The following OR5K2 variants were observed in gnomAD, a reference collection of about 807,000 sequenced individuals.
OR5K2 encodes the protein olfactory receptor family 5 subfamily K member 2.
For missense variants in OR5K2, 402 were observed against 369.8 expected (o/e 1.09, Z -0.71); for synonymous variants, 124 against 133.2 (o/e 0.93, Z 0.48).
At position 98,497,816 on chromosome 3, in the gene OR5K2, G is replaced by A. The variant is rs964015733; in HGVS notation, c.136G>A (p.Val46Met). The change falls in exon 1 of 1, where the codon GTG becomes ATG. Residue 46 changes from valine (V) to methionine (M), a missense_variant. Physicochemically the swap from Val to Met is conservative, Grantham distance 21 (BLOSUM62 1). Transcript: ENST00000427338. ...LITVVGNISL[V>M]ALIFTHCRLH... ...CACCGTGGTGGGGAATATTAGTTTGGTGGCACTGATATTTACACACTGTCG... is the reference window on the plus strand; with the variant it reads ...CACCGTGGTGGGGAATATTAGTTTGATGGCACTGATATTTACACACTGTCG... 1 of 1,614,068 alleles carries A rather than the reference G, an allele frequency of 6.2e-7. No homozygotes were observed.
chr3:98,498,206 C>A lies in OR5K2; in HGVS notation c.526C>A (p.His176Asn), dbSNP rs59427166. ...LVFCGLNHINHFYCDTLPLYR... is the reference protein window; with the variant it reads ...LVFCGLNHINNFYCDTLPLYR... Reference sequence around the variant, plus strand: ...TTTCTGTGGATTGAATCACATCAACCACTTTTACTGTGATACTCTTCCCTT... The same window carrying A: ...TTTCTGTGGATTGAATCACATCAACAACTTTTACTGTGATACTCTTCCCTT... The change falls in exon 1 of 1, where the codon CAC (histidine) becomes AAC (asparagine). Residue 176 changes from histidine (H) to asparagine (N), a missense_variant. Transcript: ENST00000427338. The A allele has an allele frequency of 3.2e-3, 5,149 of 1,614,060 alleles. 144 individuals are homozygous for A. The African/African-American group carries it at 0.06, about 19-fold the overall frequency.
chr3:98,498,543 T>C lies in OR5K2; in HGVS notation c.863T>C (p.Phe288Ser). The C allele has an allele frequency of 6.2e-7, 1 of 1,606,332 alleles. No homozygotes were observed. The highest frequency in any genetic ancestry group is 8.5e-7 in the Non-Finnish European group (1 of 1,174,582). ...FTIVVPLLNP[F>S]IYSLRNKEVI... Reference sequence around the variant, plus strand: ...ATAGTAGTTCCCTTACTAAATCCTTTCATTTATAGTCTGAGAAACAAGGAA... The same window carrying C: ...ATAGTAGTTCCCTTACTAAATCCTTCCATTTATAGTCTGAGAAACAAGGAA... The change falls in exon 1 of 1, where the codon TTC (phenylalanine) becomes TCC (serine). Residue 288 changes from phenylalanine (F) to serine (S), a missense_variant. Transcript: ENST00000427338.
rs1009590715 is a variant in OR5K2, at chr3:98,498,519, T to A, written c.839T>A (p.Ile280Lys). 6.2e-7 allele frequency: 1 copy of A among 1,608,788 alleles called. No homozygotes were observed. The change falls in exon 1 of 1, where the codon ATA becomes AAA. Residue 280 changes from isoleucine to lysine, a missense_variant. Transcript: ENST00000427338. ...ATACCAGCTGCTATTTTATTTACAA[T>A]AGTAGTTCCCTTACTAAATCCTTTC... is the stretch of plus-strand genomic sequence containing the variant. ...NDIPAAILFT[I>K]VVPLLNPFIY...
rs373946421 is a variant in OR5K2, at chr3:98,497,995, C to A, written c.315C>A (p.Cys105Ter). ...YECAVQFYFL[C>*]TVETADCFLL... ...GTGCAGTACAGTTTTATTTTCTTTG[C>A]ACTGTGGAAACTGCAGACTGCTTTC... The change falls in exon 1 of 1, where the codon TGC becomes TGA. Residue 105 changes from cysteine to a stop codon, truncating the protein, a stop_gained. Transcript: ENST00000427338. LOFTEE classifies it low-confidence loss of function (END_TRUNC). The A allele has an allele frequency of 6.2e-7, 1 of 1,613,918 alleles. No individual in the cohort carries two copies. The highest frequency in any genetic ancestry group is 8.5e-7 in the Non-Finnish European group (1 of 1,179,978).
rs749462245 is a variant in OR5K2 at position 98,498,372 on chromosome 3, A to C, written c.692A>C (p.Lys231Thr). 3 of 1,613,766 alleles carry C rather than the reference A, an allele frequency of 1.9e-6. No homozygotes were observed. In the South Asian group the frequency reaches 3.3e-5, roughly 18 times the overall value. ...ILLTIFRMKS[K>T]EGRAKAFSTC... ...CTTACTATTTTCAGAATGAAATCCA[A>C]GGAGGGAAGGGCCAAAGCCTTTTCT... The change falls in exon 1 of 1, where the codon AAG (lysine) becomes ACG (threonine). Residue 231 changes from lysine to threonine, a missense_variant. Physicochemically the swap from Lys to Thr is moderately conservative, Grantham distance 78 (BLOSUM62 -1). Coordinates refer to ENST00000427338, the MANE Select transcript of OR5K2 (RefSeq NM_001004737.1).
At position 98,498,268 on chromosome 3, in the gene OR5K2, A is replaced by C; in HGVS notation, c.588A>C (p.Glu196Asp). The change falls in exon 1 of 1, where the codon GAA becomes GAC. Residue 196 changes from glutamate to aspartate, a missense_variant. By Grantham distance (45) the Glu-to-Asp change is conservative. Coordinates refer to ENST00000427338, the MANE Select transcript of OR5K2 (RefSeq NM_001004737.1). The stretch of plus-strand genomic sequence containing the variant: ...CCTGTGTTGACCCTTTCATCAATGA[A>C]CTGGTTCTATTCATCTTCTCAGGTT... ...RLSCVDPFIN[E>D]LVLFIFSGSV... The C allele has an allele frequency of 6.2e-7, 1 of 1,614,028 alleles. No homozygotes were observed. Among genetic ancestry groups the C allele is most frequent in the Non-Finnish European group, 8.5e-7 (1 of 1,179,938 alleles).
rs1705730509 is a variant in OR5K2 at position 98,498,475 on chromosome 3, TGAA to T, written c.800_802del (p.Glu267del). The stretch of plus-strand genomic sequence containing the variant: ...TCCTATACATTAGACCAAATTTGCT[TGAA>T]GAAGGAGGTAATGATATACCAGCTG... On this transcript the variant is annotated inframe_deletion, in exon 1 of 1. Transcript: ENST00000427338. The T allele has an allele frequency of 3.1e-6, 5 of 1,612,706 alleles. No individual in the cohort carries two copies. The highest frequency in any genetic ancestry group is 2.2e-5 in the East Asian group (1 of 44,830).
Position 98,498,045 on chromosome 3 carries a change from G to T in OR5K2, c.365G>T (p.Arg122Leu), listed in dbSNP as rs116512183. ...CTTCTGGCAGCAGTGGCCTATGACC[G>T]CTATGTGGCCATCTGCAACCCACTG... Reference protein sequence around the residue: ...CFLLAAVAYDRYVAICNPLQY... With the variant: ...CFLLAAVAYDLYVAICNPLQY... Residue 122 changes from arginine to leucine, a missense_variant, in exon 1 of 1, where the codon CGC (arginine) becomes CTC (leucine). Coordinates refer to ENST00000427338, the MANE Select transcript of OR5K2 (RefSeq NM_001004737.1). The T allele has an allele frequency of 6.8e-6, 11 of 1,614,046 alleles. No homozygotes were observed. In the East Asian group the frequency reaches 2.0e-4, roughly 29 times the overall value.
rs1375217096 is a variant in OR5K2, at chr3:98,498,588, A to C, written c.908A>C (p.Lys303Thr). 1 of 1,592,404 alleles carries C rather than the reference A, an allele frequency of 6.3e-7. No individual in the cohort carries two copies. The highest frequency in any genetic ancestry group is 1.1e-5 in the South Asian group (1 of 88,500). The change falls in exon 1 of 1, where the codon AAA becomes ACA. Residue 303 changes from lysine (K) to threonine (T), a missense_variant. Coordinates refer to ENST00000427338, the MANE Select transcript of OR5K2 (RefSeq NM_001004737.1). ...RNKEVISVLR[K>T]ILLKIKSQGS... ...AAGGAAGTAATAAGTGTCTTAAGAA[A>C]AATTCTGCTGAAAATAAAATCTCAA...
Position 98,498,459 on chromosome 3 carries a change from T to A in OR5K2, c.779T>A (p.Ile260Asn). ...LFYGSIFFLY[I>N]RPNLLEEGGN... ...TATGGATCTATTTTTTTCCTATACA[T>A]TAGACCAAATTTGCTTGAAGAAGGA... The change falls in exon 1 of 1, where the codon ATT becomes AAT. Residue 260 changes from isoleucine (I) to asparagine (N), a missense_variant. Physicochemically the swap from Ile to Asn is moderately radical, Grantham distance 149. Transcript: ENST00000427338. 6.2e-7 allele frequency: 1 copy of A among 1,613,366 alleles called. No individual in the cohort carries two copies. Among genetic ancestry groups the A allele is most frequent in the Non-Finnish European group, 8.5e-7 (1 of 1,179,538 alleles).
chr3:98,497,842 G>A lies in OR5K2; in HGVS notation c.162G>A (p.Arg54=). 6.2e-7 allele frequency: 1 copy of A among 1,614,104 alleles called. No individual in the cohort carries two copies. Among genetic ancestry groups the A allele is most frequent in the Admixed American group, 1.7e-5 (1 of 60,012 alleles). ...SLVALIFTHC[R]LHTPMYIFLG... is the part of the protein sequence containing the mutation. ...TGGCACTGATATTTACACACTGTCG[G>A]CTTCACACACCAATGTACATCTTTC... is the stretch of plus-strand genomic sequence containing the variant. The change falls in exon 1 of 1, where the codon CGG becomes CGA. Residue 54 remains arginine, a synonymous_variant. Transcript: ENST00000427338.
rs776570590 is a variant in OR5K2 at position 98,498,480 on chromosome 3, A to G, written c.800A>G (p.Glu267Gly). The G allele has an allele frequency of 1.2e-6, 2 of 1,612,310 alleles. No individual in the cohort carries two copies. Among genetic ancestry groups the G allele is most frequent in the South Asian group, 2.2e-5 (2 of 91,010 alleles). The stretch of plus-strand genomic sequence containing the variant: ...TACATTAGACCAAATTTGCTTGAAG[A>G]AGGAGGTAATGATATACCAGCTGCT... ...FLYIRPNLLE[E>G]GGNDIPAAIL... is the part of the protein sequence containing the mutation. The change falls in exon 1 of 1, where the codon GAA becomes GGA. Residue 267 changes from glutamate (E) to glycine (G), a missense_variant. Physicochemically the swap from Glu to Gly is moderately conservative, Grantham distance 98. Coordinates refer to ENST00000427338, the MANE Select transcript of OR5K2 (RefSeq NM_001004737.1).
chr3:98,498,258 T>C lies in OR5K2; in HGVS notation c.578T>C (p.Phe193Ser). The C allele has an allele frequency of 6.2e-7, 1 of 1,614,098 alleles. No individual in the cohort carries two copies. Among genetic ancestry groups the C allele is most frequent in the Non-Finnish European group, 8.5e-7 (1 of 1,179,964 alleles). Residue 193 changes from phenylalanine (F) to serine (S), a missense_variant, in exon 1 of 1, where the codon TTC becomes TCC. Physicochemically the swap from Phe to Ser is radical, Grantham distance 155. Transcript: ENST00000427338. ...TATAGACTCTCCTGTGTTGACCCTT[T>C]CATCAATGAACTGGTTCTATTCATC... ...PLYRLSCVDPFINELVLFIFS... is the reference protein window; with the variant it reads ...PLYRLSCVDPSINELVLFIFS...
In OR5K2 at chr3:98,497,694, A is replaced by G; in HGVS notation, c.14A>G (p.Asn5Ser). 6.2e-7 allele frequency: 1 copy of G among 1,612,450 alleles called. No individual in the cohort carries two copies. The highest frequency in any genetic ancestry group is 8.5e-7 in the Non-Finnish European group (1 of 1,178,918). Reference sequence around the variant, plus strand: ...GAGAGGTCAGGAATGGTTGAAGAAAATCATACCATGAAAAATGAGTTTATC... The same window carrying G: ...GAGAGGTCAGGAATGGTTGAAGAAAGTCATACCATGAAAAATGAGTTTATC... The part of the protein sequence containing the change: MVEE[N>S]HTMKNEFILT... The change falls in exon 1 of 1, where the codon AAT (asparagine) becomes AGT (serine). Residue 5 changes from asparagine (N) to serine (S), a missense_variant. By Grantham distance (46) the Asn-to-Ser change is conservative (BLOSUM62 1). Transcript: ENST00000427338.
Position 98,498,373 on chromosome 3 carries a change from G to A in OR5K2, c.693G>A (p.Lys231=), listed in dbSNP as rs768783738. The change falls in exon 1 of 1, where the codon AAG becomes AAA. Residue 231 remains lysine (K), a synonymous_variant. Transcript: ENST00000427338. ...ILLTIFRMKS[K]EGRAKAFSTC... is the part of the protein sequence containing the mutation. ...TTACTATTTTCAGAATGAAATCCAAGGAGGGAAGGGCCAAAGCCTTTTCTA... is the reference window on the plus strand; with the variant it reads ...TTACTATTTTCAGAATGAAATCCAAAGAGGGAAGGGCCAAAGCCTTTTCTA... The A allele has an allele frequency of 1.0e-4, 168 of 1,613,570 alleles. No homozygotes were observed. Among genetic ancestry groups the A allele is most frequent in the Non-Finnish European group, 9.0e-5 (106 of 1,179,766 alleles).
At position 98,497,886 on chromosome 3, in the gene OR5K2, T is replaced by C. The variant is rs760342234; in HGVS notation, c.206T>C (p.Val69Ala). Residue 69 changes from valine to alanine, a missense_variant, in exon 1 of 1, where the codon GTG (valine) becomes GCG (alanine). Val to Ala is a moderately conservative substitution (Grantham distance 64). Transcript: ENST00000427338. ...ATCTTTCTGGGAAATCTGGCTCTTGTGGATTCTTGCTGTGCCTGTGCTATT... is the reference window on the plus strand; with the variant it reads ...ATCTTTCTGGGAAATCTGGCTCTTGCGGATTCTTGCTGTGCCTGTGCTATT... Reference protein sequence around the residue: ...MYIFLGNLALVDSCCACAITP... With the variant: ...MYIFLGNLALADSCCACAITP... 6.2e-6 allele frequency: 10 copies of C among 1,613,984 alleles called. No individual in the cohort carries two copies. The South Asian group carries it at 6.6e-5, about 11-fold the overall frequency.
At position 98,498,192 on chromosome 3, in the gene OR5K2, T is replaced by C. The variant is rs765363909; in HGVS notation, c.512T>C (p.Leu171Ser). Residue 171 changes from leucine (L) to serine (S), a missense_variant, in exon 1 of 1, where the codon TTG becomes TCG. By Grantham distance (145) the Leu-to-Ser change is moderately radical. Coordinates refer to ENST00000427338, the MANE Select transcript of OR5K2 (RefSeq NM_001004737.1). The part of the protein sequence containing the change: ...GLVFRLVFCG[L>S]NHINHFYCDT... ...GTATTTAGGTTAGTTTTCTGTGGAT[T>C]GAATCACATCAACCACTTTTACTGT... 65 of 1,614,014 alleles carry C rather than the reference T, an allele frequency of 4.0e-5. No individual in the cohort carries two copies. The highest frequency in any genetic ancestry group is 2.2e-4 in the East Asian group (10 of 44,902).
In OR5K2 at chr3:98,497,900, G is replaced by C. The variant is rs1403958200; in HGVS notation, c.220G>C (p.Ala74Pro). The change falls in exon 1 of 1, where the codon GCC becomes CCC. Residue 74 changes from alanine (A) to proline (P), a missense_variant. Physicochemically the swap from Ala to Pro is conservative, Grantham distance 27. Coordinates refer to ENST00000427338, the MANE Select transcript of OR5K2 (RefSeq NM_001004737.1). ...GNLALVDSCC[A>P]CAITPKMLEN... ...TCTGGCTCTTGTGGATTCTTGCTGT[G>C]CCTGTGCTATTACCCCCAAAATGTT... 6.2e-7 allele frequency: 1 copy of C among 1,614,052 alleles called. No individual in the cohort carries two copies. Among genetic ancestry groups the C allele is most frequent in the Non-Finnish European group, 8.5e-7 (1 of 1,179,984 alleles).
Position 98,498,417 on chromosome 3 carries a change from C to T in OR5K2, c.737C>T (p.Ser246Leu). 4.3e-6 allele frequency: 7 copies of T among 1,613,534 alleles called. No homozygotes were observed. Among genetic ancestry groups the T allele is most frequent in the Non-Finnish European group, 5.9e-6 (7 of 1,179,678 alleles). ...TTTTCTACTTGTGCATCCCACTTTT[C>T]ATCAGTTTCATTATTCTATGGATCT... ...KAFSTCASHF[S>L]SVSLFYGSIF... The change falls in exon 1 of 1, where the codon TCA (serine) becomes TTA (leucine). Residue 246 changes from serine to leucine, a missense_variant. Physicochemically the swap from Ser to Leu is moderately radical, Grantham distance 145. Coordinates refer to ENST00000427338, the MANE Select transcript of OR5K2 (RefSeq NM_001004737.1).
Sources: gnomAD v4.1 joint callset for allele counts on GRCh38, gnomAD v4.1.1 for gene constraint, MANE v1.5 for transcripts, NCBI Gene and HGNC (gene_info 2026-07-23, HGNC 2026-07-21) for gene names.